ZC3HAV1: variants seen among roughly 807,000 people sequenced by gnomAD.
ZC3HAV1 encodes the protein zinc finger CCCH-type containing, antiviral 1, also known as zinc finger CCCH-type antiviral protein 1.
In ZC3HAV1, 41 loss-of-function variants were observed where a neutral mutation model predicts 86.6. That is an observed-to-expected ratio of 0.47 (90% CI 0.37 to 0.61). The LOEUF is 0.61. ZC3HAV1 is among the 20% of genes least tolerant of loss of function. The probability of loss-of-function intolerance (pLI) is 0.00; values close to 1 mark genes in which losing one functional copy is unlikely to be tolerated. For missense variants in ZC3HAV1, 964 were observed against 1,141.1 expected (o/e 0.84, Z 2.24); for synonymous variants, 421 against 432.1 (o/e 0.97, Z 0.32).
chr7:139,059,939 T>A (rs2130675280), intron 9 of ZC3HAV1, among the ~76,000 whole-genome samples: 1 of 152,292 alleles, frequency 6.6e-6, no homozygotes, highest in African/African-American at 2.4e-5. Flanking sequence ...ATTTTACAGA[T>A]GAGGATATAC....
intron 5 of ZC3HAV1, among the ~76,000 whole-genome samples, chr7:139,076,901 A>G (rs1816968741): frequency 6.6e-6 from 1 of 152,002 alleles, no homozygotes; most frequent in Non-Finnish European, 1.5e-5. Context: ...CAAAAAAAAA[A>G]AAGAAAAAGA....
At chr7:139,061,724 C>A (rs1359246964) in intron 8 of ZC3HAV1, among the ~76,000 whole-genome samples, 1 of 152,118 alleles carries the variant, frequency 6.6e-6, no homozygotes. Flanking sequence ...GGTATTTACC[C>A]AAGAGAAATG....
intron 7 of ZC3HAV1, among the ~76,000 whole-genome samples, chr7:139,070,846 G>A (rs555425191): frequency 6.6e-6 from 1 of 151,956 alleles, no homozygotes; most frequent in Non-Finnish European, 1.5e-5. Context: ...GCCAGGCATG[G>A]TGGTGGATGC....
rs1397922493 is a variant in ZC3HAV1 at position 139,109,281 on chromosome 7, G to T, written c.51C>A (p.His17Gln). Residue 17 changes from histidine (H) to glutamine (Q), a missense_variant, in exon 1 of 13, where the codon CAC becomes CAA. By Grantham distance (24) the His-to-Gln change is conservative. Transcript: ENST00000242351. ...CCFITKILCA[H>Q]GGRMALDALL... ...GCGCGTCCAGGGCCATGCGGCCCCC[G>T]TGGGCGCACAGGATTTTGGTGATGA... 1.9e-6 allele frequency: 3 copies of T among 1,611,126 alleles called. No homozygotes were observed. Among genetic ancestry groups the T allele is most frequent in the African/African-American group, 1.3e-5 (1 of 74,996 alleles).
At chr7:139,105,190 G>T (rs560488939) in intron 1 of ZC3HAV1, among the ~76,000 whole-genome samples, 2 of 152,182 alleles carry the variant, frequency 1.3e-5, no homozygotes, top group African/African-American at 2.4e-5. Flanking sequence ...CTTCAGTCTG[G>T]GTGACAAAGC....
At chr7:139,100,702 A>G (rs1374316456) in intron 1 of ZC3HAV1, among the ~76,000 whole-genome samples, 2 of 151,662 alleles carry the variant, frequency 1.3e-5, no homozygotes, top group African/African-American at 4.9e-5. Context: ...TGGCAAACAC[A>G]CTTCGGAAAA....
At position 139,109,092 on chromosome 7, in the gene ZC3HAV1, T is replaced by C; in HGVS notation, c.240A>G (p.Arg80=). Residue 80 remains arginine, a synonymous_variant, in exon 1 of 13, where the codon AGA becomes AGG. Coordinates refer to ENST00000242351, the MANE Select transcript of ZC3HAV1 (RefSeq NM_020119.4). ...TGCAGAGATGCAGGTTATCGCAGGG[T>C]CTCTGGCAGTACTTGCGACGGCAGA... The part of the protein sequence containing the change: ...ARVCRRKYCQ[R]PCDNLHLCKL... 5 of 1,594,900 alleles carry C rather than the reference T, an allele frequency of 3.1e-6. No homozygotes were observed. In the South Asian group the frequency reaches 5.7e-5, roughly 18 times the overall value.
chr7:139,062,272 C>T (rs1260231480), intron 8 of ZC3HAV1, among the ~76,000 whole-genome samples: 1 of 152,114 alleles, frequency 6.6e-6, no homozygotes, highest in Non-Finnish European at 1.5e-5. Context: ...GATCATGCCA[C>T]AACACTGCTC....
chr7:139,054,587 G>A (rs1416595833), intron 10 of ZC3HAV1, among the ~76,000 whole-genome samples: 2 of 152,176 alleles, frequency 1.3e-5, no homozygotes, highest in East Asian at 1.9e-4. Flanking sequence ...GTGAGTTCTA[G>A]TTTTCTTGTC....
Position 139,089,676 on chromosome 7 carries a change from T to C in ZC3HAV1, c.392A>G (p.Lys131Arg). 1.2e-6 allele frequency: 2 copies of C among 1,613,020 alleles called. No homozygotes were observed. Among genetic ancestry groups the C allele is most frequent in the Non-Finnish European group, 1.7e-6 (2 of 1,179,562 alleles). The change falls in exon 2 of 13, where the codon AAA becomes AGA. Residue 131 changes from lysine (K) to arginine (R), a missense_variant. Transcript: ENST00000242351. ...LKNHELSGLN[K>R]EELAVLLLQS... The stretch of plus-strand genomic sequence containing the variant: ...GAGGAGGAGCACTGCTAATTCCTCT[T>C]TGTTCAGTCCAGAGAGTTCGTGATT...
chr7:139,094,991 T>C (rs190196048), intron 1 of ZC3HAV1, among the ~76,000 whole-genome samples: 13 of 152,058 alleles, frequency 8.5e-5, no homozygotes, highest in Middle Eastern at 3.4e-3. Flanking sequence ...TTTTTTTTTT[T>C]TTTTTGGACA....
At chr7:139,097,255 G>A (rs1817617155) in intron 1 of ZC3HAV1, among the ~76,000 whole-genome samples, 1 of 149,680 alleles carries the variant, frequency 6.7e-6, no homozygotes, top group Non-Finnish European at 1.5e-5. Flanking sequence ...TCCAATAGGT[G>A]ACTTGGGAAC....
rs776659439 is a variant in ZC3HAV1 at position 139,055,309 on chromosome 7, G to T, written c.2097-14C>A. 1 of 1,607,358 alleles carries T rather than the reference G, an allele frequency of 6.2e-7. No individual in the cohort carries two copies. The highest frequency in any genetic ancestry group is 1.7e-4 in the Middle Eastern group (1 of 6,052). The stretch of plus-strand genomic sequence containing the variant: ...GCTGGCTGATGGCTACAAATAAAGA[G>T]AAAGAATTCACTTAACTCTCTGCTC... On this transcript the variant is annotated splice_polypyrimidine_tract_variant and intron_variant, in intron 9 of 12. Coordinates refer to ENST00000242351, the MANE Select transcript of ZC3HAV1 (RefSeq NM_020119.4).
rs778116152 is a variant in ZC3HAV1, at chr7:139,078,573, A to G, written c.1552T>C (p.Cys518Arg). ...TCACCATTAAGCGGACAACCCTTACACAGATGGTCAAGACAAATTTCCTCT... is the reference window on the plus strand; with the variant it reads ...TCACCATTAAGCGGACAACCCTTACGCAGATGGTCAAGACAAATTTCCTCT... Reference protein sequence around the residue: ...DSEEICLDHLCKGCPLNGSCS... With the variant: ...DSEEICLDHLRKGCPLNGSCS... Residue 518 changes from cysteine to arginine, a missense_variant, in exon 5 of 13, where the codon TGT becomes CGT. Physicochemically the swap from Cys to Arg is radical, Grantham distance 180. Transcript: ENST00000242351. 6.5e-5 allele frequency: 104 copies of G among 1,594,070 alleles called. No homozygotes were observed. Among genetic ancestry groups the G allele is most frequent in the Non-Finnish European group, 8.2e-5 (96 of 1,174,902 alleles).
intron 3 of ZC3HAV1, among the ~76,000 whole-genome samples, 193 bp from the exon 4 acceptor site, chr7:139,080,436 TTTTTG>T (rs1182455983): frequency 6.6e-6 from 1 of 152,116 alleles, no homozygotes; most frequent in Non-Finnish European, 1.5e-5. Flanking sequence ...TTTGTTTTTG[TTTTTG>T]TTTTAAGAGA....
At position 139,080,160 on chromosome 7, in the gene ZC3HAV1, G is replaced by T. The variant is rs1325951244; in HGVS notation, c.781C>A (p.Leu261Ile). The part of the protein sequence containing the change: ...DRFFQGSQEF[L>I]ASASASAERS... ...TCAGCAGACGCTGAAGCAGACGCAA[G>T]AAATTCTTGGCTGCCCTGAAAGAAC... Residue 261 changes from leucine (L) to isoleucine (I), a missense_variant, in exon 4 of 13, where the codon CTT becomes ATT. Transcript: ENST00000242351. 2 of 1,614,056 alleles carry T rather than the reference G, an allele frequency of 1.2e-6. No homozygotes were observed. The highest frequency in any genetic ancestry group is 1.7e-6 in the Non-Finnish European group (2 of 1,180,044).
chr7:139,079,442 G>T, intron 4 of ZC3HAV1, 28 bp downstream of exon 4: 1 of 1,613,970 alleles, frequency 6.2e-7, no homozygotes, highest in Non-Finnish European at 8.5e-7. Context: ...AAATGTACTA[G>T]CCCAAAGTGT....
At chr7:139,090,621 AAATATTG>A (rs2130720857) in intron 1 of ZC3HAV1, among the ~76,000 whole-genome samples, 1 of 152,270 alleles carries the variant, frequency 6.6e-6, no homozygotes, top group South Asian at 2.1e-4. Context: ...TTCATTTCCA[AAATATTG>A]AATATTATCG....
In ZC3HAV1 at chr7:139,045,090, A is replaced by C. The variant is rs1177064937; in HGVS notation, c.*2504T>G. The C allele has an allele frequency of 6.6e-6, 1 of 152,164 alleles. No individual in the cohort carries two copies. Among genetic ancestry groups the C allele is most frequent in the Non-Finnish European group, 1.5e-5 (1 of 68,040 alleles). The allele number at this position is 152,164 out of a possible 1,614,324, so 9.4% of individuals were successfully genotyped here. On this transcript the variant is annotated 3_prime_UTR_variant, in exon 13 of 13. Transcript: ENST00000242351. ...AGTTACAGCTGTGCCCAAGTTAGGTACCTTTTATTTCCTCTTTATGTTCAT... is the reference window on the plus strand; with the variant it reads ...AGTTACAGCTGTGCCCAAGTTAGGTCCCTTTTATTTCCTCTTTATGTTCAT...
Sources: allele counts gnomAD v4.1 joint callset (sites outside exome capture counted in the v4.1 genomes callset), GRCh38; gene constraint gnomAD v4.1.1; transcripts MANE v1.5; gene names NCBI Gene and HGNC (gene_info 2026-07-23, HGNC 2026-07-21).